SLC39A11: variants seen among roughly 807,000 people sequenced by gnomAD.
SLC39A11 encodes the protein solute carrier family 39 member 11, also known as zinc transporter ZIP11.
A neutral mutation model predicts 36.1 loss-of-function variants in SLC39A11; 33 were observed. That is an observed-to-expected ratio of 0.91 (90% CI 0.69 to 1.22). The LOEUF is 1.22. Among genes scored for constraint, SLC39A11 ranks in the 50% most tolerant of loss-of-function variants. The pLI is 0.00. For synonymous variants in SLC39A11, 166 were observed against 170.3 expected, an observed-to-expected ratio of 0.97 and a Z score of 0.20; for missense variants, 432 against 430.3, an observed-to-expected ratio of 1.00 and a Z score of -0.03.
chr17:72,853,007 TTTGA>T (rs71154923), intron 5 of SLC39A11, among the ~76,000 whole-genome samples: 3 of 151,492 alleles, frequency 2.0e-5, no homozygotes, highest in African/African-American at 4.8e-5. Flanking sequence ...CTTGCAGACT[TTTGA>T]TTGATTGATT....
At chr17:72,664,371 G>C (rs2070630574) in intron 7 of SLC39A11, among the ~76,000 whole-genome samples, 1 of 152,200 alleles carries the variant, frequency 6.6e-6, no homozygotes, top group Non-Finnish European at 1.5e-5. Flanking sequence ...ACTGCAGAAG[G>C]CAGGGAGGGA....
At chr17:72,905,748 G>C (rs572150914) in intron 5 of SLC39A11, among the ~76,000 whole-genome samples, 1 of 151,490 alleles carries the variant, frequency 6.6e-6, no homozygotes, top group African/African-American at 2.4e-5. Context: ...GCATGAAGAA[G>C]AACTCAACTC....
chr17:72,716,525 C>T (rs1438973454), intron 7 of SLC39A11, among the ~76,000 whole-genome samples: 1 of 151,658 alleles, frequency 6.6e-6, no homozygotes, highest in African/African-American at 2.4e-5. Flanking sequence ...GGAAAGCCGC[C>T]GCTCTTCTCC....
chr17:72,647,298 C>A lies in SLC39A11; in HGVS notation c.*286G>T. 4.1e-6 allele frequency: 1 copy of A among 246,588 alleles called. No individual in the cohort carries two copies. Among genetic ancestry groups the A allele is most frequent in the Non-Finnish European group, 7.8e-6 (1 of 127,684 alleles). The allele number at this position is 246,588 out of a possible 1,614,324, so 15.3% of individuals were successfully genotyped here. On this transcript the variant is annotated 3_prime_UTR_variant, in exon 10 of 10. Coordinates refer to ENST00000255559, the MANE Select transcript of SLC39A11 (RefSeq NM_139177.4). The stretch of plus-strand genomic sequence containing the variant: ...AGAAGGTCCCGAAGTGGAGATTTCC[C>A]TGATCTGAAGTTCCTTGATAATCCC...
At chr17:72,985,668 C>A (rs1234742368) in intron 4 of SLC39A11, among the ~76,000 whole-genome samples, 2 of 152,160 alleles carry the variant, frequency 1.3e-5, no homozygotes, top group Non-Finnish European at 2.9e-5. Context: ...CCACCTCAAA[C>A]TCCCAAAGTG....
rs148439735 is a variant in SLC39A11, at chr17:73,088,759, G to C, written c.6C>G (p.Leu2=). M[L]QGHSSVFQAL... ...CCTGGAACACAGAGCTGTGGCCTTG[G>C]AGCATGCTGGATACAGCTGTGCAAG... Residue 2 remains leucine (L), a synonymous_variant, in exon 2 of 10, where the codon CTC becomes CTG. Coordinates refer to ENST00000255559, the MANE Select transcript of SLC39A11 (RefSeq NM_139177.4). 2.7e-5 allele frequency: 43 copies of C among 1,601,582 alleles called. 1 individual carries two copies. In the South Asian group the frequency reaches 4.8e-4, roughly 18 times the overall value.
chr17:72,771,252 C>T (rs1255099825), intron 6 of SLC39A11, among the ~76,000 whole-genome samples: 7 of 151,478 alleles, frequency 4.6e-5, no homozygotes, highest in South Asian at 2.1e-4. Flanking sequence ...GGAGTGGCGG[C>T]GATGCCTGTA....
intron 7 of SLC39A11, among the ~76,000 whole-genome samples, chr17:72,735,151 A>G (rs2143948907): frequency 6.6e-6 from 1 of 152,274 alleles, no homozygotes; most frequent in East Asian, 1.9e-4. Context: ...CAGGAACATG[A>G]AGTTGAGAAT....
chr17:72,933,944 G>A (rs926554916), intron 5 of SLC39A11, among the ~76,000 whole-genome samples: 8 of 151,850 alleles, frequency 5.3e-5, no homozygotes, highest in South Asian at 2.1e-4. Context: ...TATGGCTCAC[G>A]AACTTTTTAC....
intron 6 of SLC39A11, among the ~76,000 whole-genome samples, chr17:72,749,799 G>C (rs1307053656): frequency 2.0e-5 from 3 of 152,080 alleles, no homozygotes; most frequent in Non-Finnish European, 4.4e-5. Flanking sequence ...GGAAAATGCT[G>C]CCTCTGAGGT....
At chr17:72,916,407 A>G (rs1567947677) in intron 5 of SLC39A11, among the ~76,000 whole-genome samples, 1 of 152,110 alleles carries the variant, frequency 6.6e-6, no homozygotes, top group African/African-American at 2.4e-5. Context: ...GGGAGTCCTC[A>G]GGGCCAGTCC....
intron 5 of SLC39A11, among the ~76,000 whole-genome samples, chr17:72,916,727 G>A (rs905392253): frequency 1.3e-5 from 2 of 152,084 alleles, no homozygotes; most frequent in East Asian, 3.9e-4. Flanking sequence ...ACATTCCTGG[G>A]TCCATATATA....
At chr17:72,899,797 AC>A (rs1305609651) in intron 5 of SLC39A11, among the ~76,000 whole-genome samples, 3 of 152,108 alleles carry the variant, frequency 2.0e-5, no homozygotes, top group African/African-American at 7.2e-5. Context: ...CCCCGTCTCT[AC>A]TAAAAATACA....
intron 7 of SLC39A11, among the ~76,000 whole-genome samples, chr17:72,736,407 A>G (rs1198085893): frequency 1.3e-5 from 2 of 152,170 alleles, no homozygotes; most frequent in African/African-American, 2.4e-5. Flanking sequence ...TTGCGATTCT[A>G]TCCATGCTTT....
intron 3 of SLC39A11, among the ~76,000 whole-genome samples, chr17:73,037,151 C>T (rs940810300): frequency 6.6e-5 from 10 of 152,198 alleles, no homozygotes; most frequent in Non-Finnish European, 7.4e-5. Flanking sequence ...TTGGTTGCTT[C>T]TGAGTTTTGT....
intron 7 of SLC39A11, among the ~76,000 whole-genome samples, chr17:72,700,779 G>A (rs549472252): frequency 1.4e-4 from 22 of 152,202 alleles, no homozygotes; most frequent in South Asian, 8.3e-4. Context: ...CTCACATGGC[G>A]GCAGACAAGA....
chr17:72,875,662 T>C (rs2080864731), intron 5 of SLC39A11, among the ~76,000 whole-genome samples: 1 of 152,208 alleles, frequency 6.6e-6, no homozygotes, highest in African/African-American at 2.4e-5. Flanking sequence ...TTCGCATGCA[T>C]TTACTTATTA....
chr17:72,935,237 A>AT (rs2084671204), intron 5 of SLC39A11, among the ~76,000 whole-genome samples: 2 of 152,246 alleles, frequency 1.3e-5, no homozygotes, highest in Non-Finnish European at 2.9e-5. Context: ...TCTGAAATGC[A>AT]TGACGCCAAG....
At chr17:72,768,176 G>T (rs2075818636) in intron 6 of SLC39A11, among the ~76,000 whole-genome samples, 1 of 152,220 alleles carries the variant, frequency 6.6e-6, no homozygotes, top group Admixed American at 6.5e-5. Flanking sequence ...CAATAGTGGT[G>T]TTATCTGCAG....
Sources: allele counts gnomAD v4.1 joint callset (sites outside exome capture counted in the v4.1 genomes callset), GRCh38; gene constraint gnomAD v4.1.1; transcripts MANE v1.5; gene names NCBI Gene and HGNC (gene_info 2026-07-23, HGNC 2026-07-21).